CACNA1D: variants seen among roughly 807,000 people sequenced by gnomAD.
CACNA1D encodes the protein calcium voltage-gated channel subunit alpha1 D.
A neutral mutation model predicts 257.1 loss-of-function variants in CACNA1D; 55 were observed. The observed-to-expected ratio is 0.21, with a 90% CI of 0.17 to 0.27. CACNA1D has a LOEUF of 0.27. Ranked by LOEUF, CACNA1D falls within the 10% of genes least tolerant of loss-of-function variation. CACNA1D has a pLI of 1.00. For synonymous variants in CACNA1D, 980 were observed against 1,014.9 expected (o/e 0.97, Z 0.65); for missense variants, 1,876 against 2,784.0 (o/e 0.67, Z 7.34).
At chr3:53,696,561 G>T (rs1340585452) in intron 8 of CACNA1D, among the ~76,000 whole-genome samples, 1 of 152,202 alleles carries the variant, frequency 6.6e-6, no homozygotes, top group Non-Finnish European at 1.5e-5. Context: ...ATGTTTTGGT[G>T]CTCAATGAGT....
At chr3:53,569,794 C>G (rs377733786) in intron 3 of CACNA1D, among the ~76,000 whole-genome samples, 2 of 152,316 alleles carry the variant, frequency 1.3e-5, no homozygotes, top group East Asian at 1.9e-4. Context: ...CCAGATACTT[C>G]TGAGTTTAAA....
chr3:53,776,084 T>C (rs1423390178), intron 35 of CACNA1D, 39 bp downstream of exon 35: 2 of 1,580,846 alleles, frequency 1.3e-6, no homozygotes, highest in Admixed American at 1.7e-5. Context: ...AATTTACAGA[T>C]GCTTATGTAG....
At chr3:53,740,363 A>T (rs1165605055) in intron 21 of CACNA1D, 24 bp downstream of exon 21, 1 of 1,484,692 alleles carries the variant, frequency 6.7e-7, no homozygotes, top group Middle Eastern at 1.7e-4. Context: ...CTTGATCTTC[A>T]CATACTCCAC....
chr3:53,731,743 T>G (rs908254521), intron 17 of CACNA1D, among the ~76,000 whole-genome samples: 2 of 152,128 alleles, frequency 1.3e-5, no homozygotes, highest in African/African-American at 4.8e-5. Flanking sequence ...ATGGTATGAG[T>G]GAATGTGCTG....
At chr3:53,568,197 C>T (rs995018708) in intron 3 of CACNA1D, among the ~76,000 whole-genome samples, 1 of 152,160 alleles carries the variant, frequency 6.6e-6, no homozygotes, top group African/African-American at 2.4e-5. Flanking sequence ...GCTCTTCACC[C>T]TCTTACGGAC....
chr3:53,702,617 G>C, intron 8 of CACNA1D, 24 bp from the exon 9 acceptor site: 1 of 1,612,528 alleles, frequency 6.2e-7, no homozygotes, highest in African/African-American at 1.3e-5. Flanking sequence ...CCTGATATGT[G>C]CTTGTCCTCT....
At chr3:53,772,950 A>G (rs2095374692) in intron 33 of CACNA1D, 52 bp downstream of exon 33, 1 of 1,452,922 alleles carries the variant, frequency 6.9e-7, no homozygotes, top group Non-Finnish European at 9.7e-7. Flanking sequence ...GTAGCCCCAA[A>G]TCTGTGGCAA....
At chr3:53,564,751 C>G (rs1032587189) in intron 3 of CACNA1D, among the ~76,000 whole-genome samples, 5 of 152,072 alleles carry the variant, frequency 3.3e-5, no homozygotes, top group Admixed American at 2.0e-4. Context: ...GTTGCTATTT[C>G]CATTTTATAG....
At chr3:53,726,806 C>T in intron 14 of CACNA1D, 73 bp from the exon 15 acceptor site, 1 of 1,606,072 alleles carries the variant, frequency 6.2e-7, no homozygotes, top group Non-Finnish European at 8.5e-7. Context: ...TCTAGGCAGC[C>T]ACCGAGGGGC....
chr3:53,511,546 T>A (rs2107246628), intron 3 of CACNA1D, among the ~76,000 whole-genome samples: 1 of 152,162 alleles, frequency 6.6e-6, no homozygotes, highest in South Asian at 2.1e-4. Context: ...GGGTCAGAAA[T>A]GCCGCGCAAG....
At chr3:53,682,903 A>G (rs894187448) in intron 8 of CACNA1D, among the ~76,000 whole-genome samples, 2 of 152,218 alleles carry the variant, frequency 1.3e-5, no homozygotes, top group African/African-American at 2.4e-5. Flanking sequence ...TGGAAATAGG[A>G]TATACAGGAT....
rs2095603883 is a variant in CACNA1D at position 53,812,297 on chromosome 3, T to G, written c.*891T>G. ...GTTCCCCACTAAAATCTAGAAATTA[T>G]TAGTATTTTTACTCGGGCTATCCAG... On this transcript the variant is annotated 3_prime_UTR_variant, in exon 48 of 48. Transcript: ENST00000350061. The G allele has an allele frequency of 1.3e-5, 2 of 152,224 alleles. No individual in the cohort carries two copies. The highest frequency in any genetic ancestry group is 4.8e-5 in the African/African-American group (2 of 41,454). 9.4% of individuals were successfully genotyped at this position (152,224 alleles called of 1,614,324 possible).
intron 17 of CACNA1D, 106 bp downstream of exon 17, chr3:53,731,252 A>G: frequency 2.4e-6 from 2 of 816,448 alleles, no homozygotes; most frequent in Admixed American, 1.9e-5. Flanking sequence ...TCATTCTTGT[A>G]ATATTTTGGT....
At chr3:53,776,292 G>T (rs943277253) in intron 35 of CACNA1D, among the ~76,000 whole-genome samples, 2 of 152,144 alleles carry the variant, frequency 1.3e-5, no homozygotes, top group Admixed American at 6.5e-5. Flanking sequence ...AGCTTCTTAG[G>T]GTTCCTTTCT....
At chr3:53,760,260 C>T (rs1249281254) in intron 29 of CACNA1D, among the ~76,000 whole-genome samples, 1 of 152,148 alleles carries the variant, frequency 6.6e-6, no homozygotes, top group East Asian at 1.9e-4. Context: ...GAATAAACAT[C>T]CCTACTCCAG....
chr3:53,662,032 TGTGCTGTTTCTA>T (rs2108338850), intron 5 of CACNA1D, among the ~76,000 whole-genome samples: 1 of 152,332 alleles, frequency 6.6e-6, no homozygotes, highest in Admixed American at 6.5e-5. Context: ...GGTTGTCGGA[TGTGCTGTTTCTA>T]GTGCTGGTTG....
chr3:53,753,320 C>A (rs1329810198), intron 28 of CACNA1D, among the ~76,000 whole-genome samples: 1 of 152,216 alleles, frequency 6.6e-6, no homozygotes, highest in Non-Finnish European at 1.5e-5. Context: ...AGGGTGAATT[C>A]CCTTTATCCT....
intron 3 of CACNA1D, among the ~76,000 whole-genome samples, chr3:53,625,129 T>C (rs766337659): frequency 1.9e-4 from 29 of 152,168 alleles, no homozygotes; most frequent in Non-Finnish European, 3.8e-4. Context: ...CAGTAGGCTA[T>C]ATTGGGTATA....
At chr3:53,778,148 G>A (rs1053991324) in intron 37 of CACNA1D, among the ~76,000 whole-genome samples, 51 of 152,174 alleles carry the variant, frequency 3.4e-4, no homozygotes, top group African/African-American at 1.2e-3. Flanking sequence ...AAGGCCTTAG[G>A]GTCCTTGCCT....
Sources: gnomAD v4.1 joint callset for allele counts (sites outside exome capture counted in the v4.1 genomes callset) on GRCh38, gnomAD v4.1.1 for gene constraint, MANE v1.5 for transcripts, NCBI Gene and HGNC (gene_info 2026-07-23, HGNC 2026-07-21) for gene names.